The following MPP7 variants were observed in gnomAD, a reference collection of about 807,000 sequenced individuals.
MPP7 encodes MAGUK p55 scaffold protein 7.
A neutral mutation model predicts 76.5 loss-of-function variants in MPP7; 60 were observed. The ratio of observed to expected loss-of-function variants is 0.78; its 90% CI spans 0.64 to 0.97. MPP7 has a LOEUF of 0.97. Among genes scored for constraint, MPP7 ranks in the 50% least tolerant of loss-of-function variants. The pLI is 0.00. For synonymous variants in MPP7, 237 were observed against 244.5 expected (o/e 0.97, Z 0.29); for missense variants, 641 against 694.0 (o/e 0.92, Z 0.86).
At chr10:28,311,421 T>C (rs114319680) in intron 2 of MPP7, among the ~76,000 whole-genome samples, 3,010 of 152,300 alleles carry the variant, frequency 0.02, 92 homozygotes, top group African/African-American at 0.069. Flanking sequence ...TATGTGACCA[T>C]ATGTGTTACA....
chr10:28,115,350 G>T (rs1834634092), intron 11 of MPP7, among the ~76,000 whole-genome samples: 1 of 152,116 alleles, frequency 6.6e-6, no homozygotes, highest in South Asian at 2.1e-4. Context: ...TGATCTGCCT[G>T]CCTCGGCCTC....
intron 2 of MPP7, among the ~76,000 whole-genome samples, chr10:28,326,004 A>G (rs905418654): frequency 1.3e-4 from 20 of 151,736 alleles, no homozygotes; most frequent in Non-Finnish European, 2.4e-4. Context: ...AAATTCCTTA[A>G]AGAGAAAAAT....
intron 1 of MPP7, among the ~76,000 whole-genome samples, chr10:28,241,906 T>C (rs1446291338): frequency 2.0e-5 from 3 of 152,194 alleles, no homozygotes; most frequent in African/African-American, 4.8e-5. Flanking sequence ...CAGTGAACTA[T>C]GTGAAGGTCT....
At chr10:28,223,433 C>A (rs1218372563) in intron 2 of MPP7, among the ~76,000 whole-genome samples, 1 of 152,164 alleles carries the variant, frequency 6.6e-6, no homozygotes, top group Non-Finnish European at 1.5e-5. Flanking sequence ...ATTTTGTTCA[C>A]CTATGCTCAA....
chr10:28,061,000 C>CAA (rs1428855498), intron 13 of MPP7, among the ~76,000 whole-genome samples: 1 of 152,078 alleles, frequency 6.6e-6, no homozygotes, highest in African/African-American at 2.4e-5. Context: ...CTAACAGACC[C>CAA]AAATCAATAT....
chr10:28,132,255 A>G (rs1378350778), intron 5 of MPP7, among the ~76,000 whole-genome samples: 1 of 152,198 alleles, frequency 6.6e-6, no homozygotes, highest in Non-Finnish European at 1.5e-5. Context: ...TACACCAAAG[A>G]TGAAAAGAAC....
chr10:28,216,101 G>C (rs1838300739), intron 2 of MPP7, among the ~76,000 whole-genome samples: 1 of 151,032 alleles, frequency 6.6e-6, no homozygotes, highest in African/African-American at 2.5e-5. Flanking sequence ...GCCAGGCACA[G>C]TGACTCACAC....
intron 1 of MPP7, among the ~76,000 whole-genome samples, chr10:28,249,837 C>A (rs1034715144): frequency 1.3e-5 from 2 of 152,136 alleles, no homozygotes; most frequent in African/African-American, 4.8e-5. Flanking sequence ...TCTGGAATGG[C>A]TCCACTTCTC....
intron 5 of MPP7, among the ~76,000 whole-genome samples, chr10:28,140,139 C>T (rs900966939): frequency 1.9e-4 from 29 of 152,156 alleles, no homozygotes; most frequent in African/African-American, 6.7e-4. Context: ...AAGAGAAAGC[C>T]GCATACTCTT....
chr10:28,252,215 T>A (rs1219989971), intron 1 of MPP7, among the ~76,000 whole-genome samples: 1 of 152,258 alleles, frequency 6.6e-6, no homozygotes, highest in African/African-American at 2.4e-5. Context: ...ATAAACATAG[T>A]AGATTTCATT....
At chr10:28,141,288 C>A (rs1483192402) in intron 5 of MPP7, among the ~76,000 whole-genome samples, 3 of 151,918 alleles carry the variant, frequency 2.0e-5, no homozygotes, top group Non-Finnish European at 4.4e-5. Context: ...ACAGGAAGCA[C>A]AGAAGTATCC....
At position 28,058,614 on chromosome 10, in the gene MPP7, T is replaced by G; in HGVS notation, c.1299-11A>C. 1 of 1,381,716 alleles carries G rather than the reference T, an allele frequency of 7.2e-7. No individual in the cohort carries two copies. 85.6% of individuals were successfully genotyped at this position (1,381,716 alleles called of 1,614,324 possible). On this transcript the variant is annotated splice_polypyrimidine_tract_variant and intron_variant, in intron 14 of 16. Coordinates refer to ENST00000683449, the MANE Select transcript of MPP7 (RefSeq NM_001318170.2). ...CCATATTCAATAAACCTGTAAAAAA[T>G]TAAATGCATTGGAATCATTTGTGAA...
chr10:28,238,537 A>C (rs774076316), intron 2 of MPP7, 31 bp downstream of exon 2: 1 of 1,610,920 alleles, frequency 6.2e-7, no homozygotes, highest in African/African-American at 1.3e-5. Context: ...GCAAAGATGG[A>C]ATGAGAACTG....
chr10:28,093,016 C>T (rs1442968379), intron 11 of MPP7, among the ~76,000 whole-genome samples: 1 of 152,092 alleles, frequency 6.6e-6, no homozygotes, highest in Non-Finnish European at 1.5e-5. Context: ...AAACCAACCC[C>T]AGCACCTACT....
At chr10:28,288,721 G>A (rs574022767) in intron 1 of MPP7, among the ~76,000 whole-genome samples, 1 of 152,170 alleles carries the variant, frequency 6.6e-6, no homozygotes, top group African/African-American at 2.4e-5. Flanking sequence ...AGGATATGGA[G>A]CTGAGGTCAA....
chr10:28,205,498 AG>A (rs1176301856), intron 2 of MPP7, among the ~76,000 whole-genome samples: 2 of 152,178 alleles, frequency 1.3e-5, no homozygotes, highest in African/African-American at 4.8e-5. Context: ...GCAAGAACTG[AG>A]ACAATGAGAT....
intron 2 of MPP7, among the ~76,000 whole-genome samples, chr10:28,321,598 GT>G (rs1834369552): frequency 1.3e-5 from 2 of 151,776 alleles, no homozygotes; most frequent in African/African-American, 4.8e-5. Flanking sequence ...TTTTGTTTTT[GT>G]TTTTGAGACA....
chr10:28,276,520 A>T (rs537233393), intron 1 of MPP7, among the ~76,000 whole-genome samples: 3 of 152,140 alleles, frequency 2.0e-5, no homozygotes, highest in Admixed American at 6.5e-5. Context: ...GAAATTACAT[A>T]AAGACAAACA....
intron 5 of MPP7, among the ~76,000 whole-genome samples, chr10:28,141,061 AAG>A (rs1324853138): frequency 6.6e-6 from 1 of 152,144 alleles, no homozygotes; most frequent in Non-Finnish European, 1.5e-5. Context: ...TTTTATCAAA[AAG>A]AAGTTTTAAT....
Sources: gnomAD v4.1 joint callset for allele counts (sites outside exome capture counted in the v4.1 genomes callset) on GRCh38, gnomAD v4.1.1 for gene constraint, MANE v1.5 for transcripts, NCBI Gene and HGNC (gene_info 2026-07-23, HGNC 2026-07-21) for gene names.